The following LRRN2 variants were observed in gnomAD, a reference collection of about 807,000 sequenced individuals.
LRRN2 encodes leucine-rich repeat neuronal protein 2.
Under a neutral mutation model 35.7 loss-of-function variants are expected in LRRN2, and 10 were observed. The ratio of observed to expected loss-of-function variants is 0.28; its 90% CI spans 0.17 to 0.47. The LOEUF is 0.47. Among genes scored for constraint, LRRN2 ranks in the 20% least tolerant of loss-of-function variants. The pLI, the probability that LRRN2 is intolerant of heterozygous loss-of-function variation, is 0.99. For missense variants in LRRN2, 731 were observed against 940.3 expected (o/e 0.78, Z 2.91); for synonymous variants, 391 against 409.6 (o/e 0.95, Z 0.55).
At chr1:204,657,407 A>G (rs1344151407) in intron 1 of LRRN2, among the ~76,000 whole-genome samples, 1 of 152,020 alleles carries the variant, frequency 6.6e-6, no homozygotes, top group Non-Finnish European at 1.5e-5. Context: ...ATAATATTCA[A>G]CTACAAAAAG....
chr1:204,653,769 G>A (rs1022861799), intron 1 of LRRN2, among the ~76,000 whole-genome samples: 3 of 151,922 alleles, frequency 2.0e-5, no homozygotes, highest in African/African-American at 7.2e-5. Context: ...GGCTGAGGCA[G>A]GAGGATCACT....
chr1:204,626,179 C>G (rs1667341932), intron 1 of LRRN2, among the ~76,000 whole-genome samples: 1 of 152,146 alleles, frequency 6.6e-6, no homozygotes, highest in African/African-American at 2.4e-5. Context: ...TCTCCTCCCA[C>G]TGCCTGGCTG....
intron 1 of LRRN2, among the ~76,000 whole-genome samples, chr1:204,649,028 G>T (rs78038829): frequency 0.033 from 5,080 of 152,308 alleles, 294 homozygotes; most frequent in African/African-American, 0.12. Flanking sequence ...CCCAGACCCT[G>T]GCTTCAGAAA....
chr1:204,649,460 T>C (rs887997079), intron 1 of LRRN2, among the ~76,000 whole-genome samples: 2 of 152,040 alleles, frequency 1.3e-5, no homozygotes, highest in Admixed American at 1.3e-4. Flanking sequence ...CGAGGCTAAG[T>C]GGGGGTGGGA....
At chr1:204,647,514 C>T (rs1262547273) in intron 1 of LRRN2, among the ~76,000 whole-genome samples, 2 of 152,046 alleles carry the variant, frequency 1.3e-5, no homozygotes, top group Non-Finnish European at 2.9e-5. Flanking sequence ...GGTTTCTTGT[C>T]TGACAACAAG....
intron 1 of LRRN2, among the ~76,000 whole-genome samples, chr1:204,666,149 C>A (rs1437697226): frequency 3.9e-5 from 6 of 152,150 alleles, no homozygotes; most frequent in Non-Finnish European, 8.8e-5. Flanking sequence ...CAATAAAATG[C>A]CAGCCCTGTA....
intron 1 of LRRN2, among the ~76,000 whole-genome samples, chr1:204,679,420 C>G (rs1433769326): frequency 6.6e-6 from 1 of 152,230 alleles, no homozygotes; most frequent in African/African-American, 2.4e-5. Flanking sequence ...CCTTTGCTGC[C>G]TTTCTTTTCT....
At chr1:204,658,261 A>C (rs1332259408) in intron 1 of LRRN2, among the ~76,000 whole-genome samples, 2 of 152,050 alleles carry the variant, frequency 1.3e-5, no homozygotes, top group African/African-American at 4.8e-5. Flanking sequence ...TACAGGCATG[A>C]GCCACCGTGC....
intron 1 of LRRN2, among the ~76,000 whole-genome samples, chr1:204,658,513 A>G (rs1333693353): frequency 6.6e-6 from 1 of 152,222 alleles, no homozygotes; most frequent in Non-Finnish European, 1.5e-5. Context: ...TTTTGGGTTC[A>G]GTCTCTTTGG....
chr1:204,676,661 G>T (rs187649788), intron 1 of LRRN2, among the ~76,000 whole-genome samples: 9 of 152,208 alleles, frequency 5.9e-5, no homozygotes, highest in Non-Finnish European at 1.0e-4. Context: ...TCTTCCCTCG[G>T]TATAAACTGG....
At chr1:204,630,736 G>T (rs1667670051) in intron 1 of LRRN2, among the ~76,000 whole-genome samples, 1 of 152,072 alleles carries the variant, frequency 6.6e-6, no homozygotes, top group South Asian at 2.1e-4. Flanking sequence ...CAGTCCCACA[G>T]GCCTCTCCCT....
At chr1:204,666,854 C>G (rs541210475) in intron 1 of LRRN2, among the ~76,000 whole-genome samples, 2 of 147,416 alleles carry the variant, frequency 1.4e-5, no homozygotes, top group Admixed American at 1.4e-4. Context: ...CCCAGCTACT[C>G]GGGAGGCTGA....
chr1:204,632,153 G>C (rs985676889), intron 1 of LRRN2, among the ~76,000 whole-genome samples: 22 of 152,152 alleles, frequency 1.4e-4, no homozygotes, highest in Non-Finnish European at 2.6e-4. Context: ...AGAATCGCTT[G>C]AGCCCAGGAG....
rs76617636 is a variant in LRRN2 at position 204,641,197 on chromosome 1, A to G, written c.-226-20979T>C. Among the ~76,000 whole-genome samples the G allele has an allele frequency of 2.5e-3, 383 of 152,308 alleles. 1 individual carries two copies. Among genetic ancestry groups the G allele is most frequent in the African/African-American group, 8.0e-3 (334 of 41,566 alleles). ...ACATCTGTCCACAGCTGGCTATCCAACCTCAGACTGGTATCACCCTTGTTA... is the reference window on the plus strand; with the variant it reads ...ACATCTGTCCACAGCTGGCTATCCAGCCTCAGACTGGTATCACCCTTGTTA... On this transcript the variant is annotated intron_variant, in intron 1 of 1. Coordinates refer to ENST00000367177, the MANE Select transcript of LRRN2 (RefSeq NM_201630.2).
intron 1 of LRRN2, among the ~76,000 whole-genome samples, chr1:204,670,060 T>G (rs1390398502): frequency 6.6e-6 from 1 of 152,088 alleles, no homozygotes; most frequent in Non-Finnish European, 1.5e-5. Flanking sequence ...CCTTGGCTTC[T>G]CTGACAATTG....
intron 1 of LRRN2, among the ~76,000 whole-genome samples, chr1:204,653,751 A>G (rs1175973017): frequency 6.6e-6 from 1 of 151,536 alleles, no homozygotes; most frequent in Non-Finnish European, 1.5e-5. Context: ...AGTCCCAGCT[A>G]CTTGGGAGGC....
chr1:204,652,119 G>GGTTGCGGAGGGAAGCAGAGAAGACAAAA (rs1668240427), intron 1 of LRRN2, among the ~76,000 whole-genome samples: 1 of 152,074 alleles, frequency 6.6e-6, no homozygotes, highest in Non-Finnish European at 1.5e-5. Context: ...AGAAGACAAA[G>GGTTGCGGAGGGAAGCAGAGAAGACAAAA]GTTGCGGATG....
chr1:204,675,375 G>A (rs1255388336), intron 1 of LRRN2, among the ~76,000 whole-genome samples: 2 of 152,174 alleles, frequency 1.3e-5, no homozygotes, highest in Non-Finnish European at 2.9e-5. Context: ...GTCCAAAATG[G>A]GTCTCCCCGG....
At chr1:204,658,059 C>A (rs148032814) in intron 1 of LRRN2, among the ~76,000 whole-genome samples, 6,116 of 146,322 alleles carry the variant, frequency 0.042, 393 homozygotes, top group African/African-American at 0.14. Context: ...CTCACTGTAA[C>A]CTCCACCTCC....
Sources: allele counts gnomAD v4.1 joint callset (sites outside exome capture counted in the v4.1 genomes callset), GRCh38; gene constraint gnomAD v4.1.1; transcripts MANE v1.5; gene names NCBI Gene and HGNC (gene_info 2026-07-23, HGNC 2026-07-21).